PSD3: variants seen among roughly 807,000 people sequenced by gnomAD.
PSD3 encodes PH and SEC7 domain-containing protein 3.
PSD3 carries 49 observed loss-of-function variants against 105.5 expected under a neutral mutation model. That is an observed-to-expected ratio of 0.46 (90% CI 0.37 to 0.59). The LOEUF is 0.59. Among genes scored for constraint, PSD3 ranks in the 20% least tolerant of loss-of-function variants. The probability of loss-of-function intolerance (pLI) is 0.00; values close to 1 mark genes in which losing one functional copy is unlikely to be tolerated. For missense variants in PSD3, 1,561 were observed against 1,263.8 expected (o/e 1.24, Z -3.57); for synonymous variants, 557 against 457.8 (o/e 1.22, Z -2.77).
At chr8:18,542,520 G>A (rs1276602699) in intron 15 of PSD3, among the ~76,000 whole-genome samples, 2 of 152,172 alleles carry the variant, frequency 1.3e-5, no homozygotes, top group Non-Finnish European at 2.9e-5. Flanking sequence ...TGGTAGAAAA[G>A]GGAATCTGAA....
intron 1 of PSD3, among the ~76,000 whole-genome samples, chr8:19,032,665 A>AT (rs1316804043): frequency 1.5e-4 from 23 of 151,820 alleles, no homozygotes; most frequent in Non-Finnish European, 2.8e-4. Context: ...AAAAAAAAAA[A>AT]AAGAAAGGAA....
At chr8:18,696,630 TATA>T (rs1801276379) in intron 9 of PSD3, among the ~76,000 whole-genome samples, 1 of 152,240 alleles carries the variant, frequency 6.6e-6, no homozygotes, top group Non-Finnish European at 1.5e-5. Flanking sequence ...CTTAGTACAT[TATA>T]ATAAGTATCA....
intron 1 of PSD3, among the ~76,000 whole-genome samples, chr8:19,071,671 T>A (rs374787874): frequency 6.6e-6 from 1 of 152,136 alleles, no homozygotes; most frequent in African/African-American, 2.4e-5. Context: ...TTTTATAGAG[T>A]TAGTCAGAAT....
chr8:19,056,845 T>G (rs1457084902), intron 1 of PSD3, among the ~76,000 whole-genome samples: 1 of 152,206 alleles, frequency 6.6e-6, no homozygotes, highest in East Asian at 1.9e-4. Flanking sequence ...AGGGATTCAC[T>G]GTGTAAGAAT....
At chr8:18,831,918 T>C (rs1004129701) in intron 4 of PSD3, among the ~76,000 whole-genome samples, 5 of 151,748 alleles carry the variant, frequency 3.3e-5, no homozygotes, top group African/African-American at 1.2e-4. Context: ...ATAGAAAAAG[T>C]ATGGGAAGAA....
intron 15 of PSD3, among the ~76,000 whole-genome samples, chr8:18,536,229 A>G (rs1799840151): frequency 6.6e-6 from 1 of 152,204 alleles, no homozygotes; most frequent in Admixed American, 6.5e-5. Flanking sequence ...TGGCTACCAG[A>G]TGGAACACCA....
intron 9 of PSD3, among the ~76,000 whole-genome samples, chr8:18,760,443 G>A (rs976625353): frequency 7.4e-6 from 1 of 135,098 alleles, no homozygotes; most frequent in Non-Finnish European, 1.6e-5. Flanking sequence ...TTAACTCCAT[G>A]AATCTGTGAG....
At chr8:18,701,157 A>G (rs1801558440) in intron 9 of PSD3, among the ~76,000 whole-genome samples, 2 of 146,444 alleles carry the variant, frequency 1.4e-5, no homozygotes, top group African/African-American at 5.1e-5. Context: ...TTCTGTAGAG[A>G]CAGGATCACT....
At chr8:19,039,275 A>G (rs1828045698) in intron 1 of PSD3, among the ~76,000 whole-genome samples, 1 of 152,060 alleles carries the variant, frequency 6.6e-6, no homozygotes, top group Admixed American at 6.5e-5. Flanking sequence ...CTTTTTCCAT[A>G]GTTTCAATTA....
At chr8:18,715,147 A>T (rs1802504784) in intron 9 of PSD3, among the ~76,000 whole-genome samples, 1 of 152,100 alleles carries the variant, frequency 6.6e-6, no homozygotes, top group Non-Finnish European at 1.5e-5. Flanking sequence ...GAAGACGGAG[A>T]ACATCAGGAA....
At chr8:18,613,434 C>CT (rs1215781300) in intron 11 of PSD3, among the ~76,000 whole-genome samples, 1 of 152,144 alleles carries the variant, frequency 6.6e-6, no homozygotes, top group African/African-American at 2.4e-5. Flanking sequence ...TCTTATCTCA[C>CT]TTTGCTGATG....
chr8:18,738,088 T>G (rs1405658551), intron 9 of PSD3, among the ~76,000 whole-genome samples: 1 of 152,190 alleles, frequency 6.6e-6, no homozygotes, highest in Non-Finnish European at 1.5e-5. Context: ...GAAATCCGAA[T>G]GGCTAACATG....
At chr8:18,552,128 G>C (rs1042716425) in intron 15 of PSD3, among the ~76,000 whole-genome samples, 1 of 152,156 alleles carries the variant, frequency 6.6e-6, no homozygotes, top group East Asian at 1.9e-4. Flanking sequence ...TTGGCATTGC[G>C]TCGGCTGGTT....
At chr8:18,541,697 G>C (rs186472753) in intron 15 of PSD3, among the ~76,000 whole-genome samples, 3 of 151,740 alleles carry the variant, frequency 2.0e-5, no homozygotes, top group Non-Finnish European at 4.4e-5. Flanking sequence ...AGAGAGAAAC[G>C]TAGGTTATAT....
intron 2 of PSD3, among the ~76,000 whole-genome samples, chr8:18,887,274 G>A (rs188441095): frequency 5.8e-4 from 88 of 152,284 alleles, no homozygotes; most frequent in African/African-American, 2.0e-3. Context: ...ATCCTGCTTT[G>A]CCAGTCCTTA....
At chr8:18,625,035 T>C (rs1806378996) in intron 11 of PSD3, among the ~76,000 whole-genome samples, 1 of 152,126 alleles carries the variant, frequency 6.6e-6, no homozygotes, top group Non-Finnish European at 1.5e-5. Context: ...TGTACCCAGC[T>C]GCTTTTATAA....
chr8:18,795,753 G>A (rs1363264770), intron 8 of PSD3, among the ~76,000 whole-genome samples: 1 of 152,322 alleles, frequency 6.6e-6, no homozygotes, highest in Admixed American at 6.5e-5. Flanking sequence ...GTAGGAAACA[G>A]AACGCATTTG....
At chr8:19,016,198 C>T (rs1827173203), upstream of PSD3, among the ~76,000 whole-genome samples, 1 of 152,194 alleles carries the variant, frequency 6.6e-6, no homozygotes, top group African/African-American at 2.4e-5. Flanking sequence ...TCAGAATACA[C>T]AAGCACCCGC....
chr8:18,939,092 A>G (rs374510621), intron 1 of PSD3, among the ~76,000 whole-genome samples: 3 of 152,346 alleles, frequency 2.0e-5, no homozygotes, highest in African/African-American at 7.2e-5. Context: ...TGCCATCTAT[A>G]CAGCAAAAGT....
Sources: gnomAD v4.1 joint callset for allele counts (sites outside exome capture counted in the v4.1 genomes callset) on GRCh38, gnomAD v4.1.1 for gene constraint, MANE v1.5 for transcripts, NCBI Gene and HGNC (gene_info 2026-07-23, HGNC 2026-07-21) for gene names.